Variants in ATXN7L3 observed in about 807,000 individuals in gnomAD.
The protein encoded by ATXN7L3 is ataxin-7-like protein 3.
A neutral mutation model predicts 50.0 loss-of-function variants in ATXN7L3; 6 were observed. The observed-to-expected ratio is 0.12, with a 90% CI of 0.07 to 0.24. The LOEUF (loss-of-function observed/expected upper bound fraction) is 0.24. ATXN7L3 is among the 10% of genes least tolerant of loss of function. The pLI is 1.00. For missense variants in ATXN7L3, 322 were observed against 451.3 expected, an observed-to-expected ratio of 0.71 and a Z score of 2.60; for synonymous variants, 198 against 165.8, an observed-to-expected ratio of 1.19 and a Z score of -1.49.
rs376800201 is a variant in ATXN7L3, at chr17:44,197,018, T to G, written c.365A>C (p.Asn122Thr). Residue 122 changes from asparagine to threonine, a missense_variant, in exon 5 of 13, where the codon AAT becomes ACT. Physicochemically the swap from Asn to Thr is moderately conservative, Grantham distance 65. This residue lies in a region of ATXN7L3 where 48 missense variants were observed against 134.6 expected (regional missense o/e 0.36). Transcript: ENST00000587097. ...SSRIANRRIA[N>T]SNNMNKSESD... is the part of the protein sequence containing the mutation. ...CTCAGACTTATTCATATTGTTGCTATTGGCAATCCTGCCAAGGGGAGGGAA... is the reference window on the plus strand; with the variant it reads ...CTCAGACTTATTCATATTGTTGCTAGTGGCAATCCTGCCAAGGGGAGGGAA... The G allele has an allele frequency of 1.9e-6, 3 of 1,612,480 alleles. No individual in the cohort carries two copies. In the South Asian group the frequency reaches 3.3e-5, roughly 18 times the overall value.
chr17:44,199,776 C>G lies in ATXN7L3; in HGVS notation c.-341G>C, dbSNP rs1180085524. 1 of 147,528 alleles carries G rather than the reference C, an allele frequency of 6.8e-6. No homozygotes were observed. The highest frequency in any genetic ancestry group is 1.5e-5 in the Non-Finnish European group (1 of 66,108). The allele number at this position is 147,528 out of a possible 1,614,324, so 9.1% of individuals were successfully genotyped here. A position where few individuals can be genotyped will look rare whatever the true frequency, so the allele number is the denominator to read the frequency against. The stretch of plus-strand genomic sequence containing the variant: ...CGCGCGCCGTCCGCGCGCCCCTCCC[C>G]CCGCCCCCCACTCCAGCCCGCCTCT... On this transcript the variant is annotated 5_prime_UTR_variant, in exon 1 of 13. Coordinates refer to ENST00000587097, the MANE Select transcript of ATXN7L3 (RefSeq NM_001382309.1).
In ATXN7L3 at chr17:44,195,928, C is replaced by T. The variant is rs1445721494; in HGVS notation, c.524-100G>A. 3 of 1,562,472 alleles carry T rather than the reference C, an allele frequency of 1.9e-6. No homozygotes were observed. In the African/African-American group the frequency reaches 4.1e-5, roughly 21 times the overall value. The stretch of plus-strand genomic sequence containing the variant: ...GGAAGTGGGGGTGACAGAAGGATCA[C>T]AGGCCCTCCCTCAATTCCCCTATCC... On this transcript the variant is annotated intron_variant, in intron 7 of 12. Coordinates refer to ENST00000587097, the MANE Select transcript of ATXN7L3 (RefSeq NM_001382309.1).
intron 2 of ATXN7L3, 56 bp from the exon 3 acceptor site, chr17:44,197,786 C>T: frequency 6.2e-7 from 1 of 1,609,214 alleles, no homozygotes. Context: ...CCTGGACTCT[C>T]ACCAACCAAA....
rs2055793877 is a variant in ATXN7L3, at chr17:44,194,140, C to T, written c.*123G>A. On this transcript the variant is annotated 3_prime_UTR_variant, in exon 13 of 13. Transcript: ENST00000587097. ...GGCGCATAATCGGATCCTCTGCCTG[C>T]CTGGCCCACCAAGCTTCCCAAGCCC... The T allele has an allele frequency of 7.5e-7, 1 of 1,337,732 alleles. No individual in the cohort carries two copies. The highest frequency in any genetic ancestry group is 1.0e-6 in the Non-Finnish European group (1 of 978,132). The allele number at this position is 1,337,732 out of a possible 1,614,324, so 82.9% of individuals were successfully genotyped here. A position where few individuals can be genotyped will look rare whatever the true frequency, so the allele number is the denominator to read the frequency against.
rs1055818495 is a variant in ATXN7L3, at chr17:44,192,845, G to A, written c.*1418C>T. 1 of 152,156 alleles carries A rather than the reference G, an allele frequency of 6.6e-6. No individual in the cohort carries two copies. Among genetic ancestry groups the A allele is most frequent in the African/African-American group, 2.4e-5 (1 of 41,402 alleles). The allele number at this position is 152,156 out of a possible 1,614,324, so 9.4% of individuals were successfully genotyped here. On this transcript the variant is annotated 3_prime_UTR_variant, in exon 13 of 13. Coordinates refer to ENST00000587097, the MANE Select transcript of ATXN7L3 (RefSeq NM_001382309.1). The stretch of plus-strand genomic sequence containing the variant: ...CCTGGGTACTAACTACCCAAATGTG[G>A]GATGGCTCCTCTTGGGAAGAGGGTA...
intron 3 of ATXN7L3, 93 bp from the exon 4 acceptor site, chr17:44,197,492 G>A (rs938022193): frequency 1.9e-6 from 3 of 1,582,478 alleles, no homozygotes; most frequent in South Asian, 2.3e-5. Context: ...CCCTCCCCCG[G>A]CTCACAGGAG....
At position 44,197,987 on chromosome 17, in the gene ATXN7L3, A is replaced by T. The variant is rs779421374; in HGVS notation, c.51+33T>A. On this transcript the variant is annotated intron_variant, in intron 2 of 12. Coordinates refer to ENST00000587097, the MANE Select transcript of ATXN7L3 (RefSeq NM_001382309.1). ...ACAGCGACGTAGAGACATCAAGAGA[A>T]AGAACTGGAGGCACACGTGGGGGAG... 4 of 1,606,796 alleles carry T rather than the reference A, an allele frequency of 2.5e-6. No homozygotes were observed. The Admixed American group carries it at 6.7e-5, about 27-fold the overall frequency.
At position 44,194,636 on chromosome 17, in the gene ATXN7L3, C is replaced by T; in HGVS notation, c.776G>A (p.Ser259Asn). 1 of 1,614,050 alleles carries T rather than the reference C, an allele frequency of 6.2e-7. No homozygotes were observed. The highest frequency in any genetic ancestry group is 8.5e-7 in the Non-Finnish European group (1 of 1,180,020). The part of the protein sequence containing the change: ...PEVESSLDND[S>N]FDMTDSQALI... ...GGCCTGGCTGTCAGTCATGTCAAAGCTGTCATTATCCAGGGAGCTCTCGAC... is the reference window on the plus strand; with the variant it reads ...GGCCTGGCTGTCAGTCATGTCAAAGTTGTCATTATCCAGGGAGCTCTCGAC... Residue 259 changes from serine (S) to asparagine (N), a missense_variant, in exon 12 of 13, where the codon AGC (serine) becomes AAC (asparagine). By Grantham distance (46) the Ser-to-Asn change is conservative. Around this residue, in one of 5 missense-constraint regions of ATXN7L3, gnomAD observed 122 missense variants for 130.8 expected, o/e 0.93. Coordinates refer to ENST00000587097, the MANE Select transcript of ATXN7L3 (RefSeq NM_001382309.1).
chr17:44,192,031 GA>G lies in ATXN7L3; in HGVS notation c.*2231del. 6.5e-6 allele frequency: 1 copy of G among 152,730 alleles called. No individual in the cohort carries two copies. Among genetic ancestry groups the G allele is most frequent in the Non-Finnish European group, 1.5e-5 (1 of 68,118 alleles). The allele number at this position is 152,730 out of a possible 1,614,324, so 9.5% of individuals were successfully genotyped here. A position where few individuals can be genotyped will look rare whatever the true frequency, so the allele number is the denominator to read the frequency against. On this transcript the variant is annotated 3_prime_UTR_variant, in exon 13 of 13. Coordinates refer to ENST00000587097, the MANE Select transcript of ATXN7L3 (RefSeq NM_001382309.1). ...TGCGGGGGGGAGTGATGCATGGAAGGAAAAGCCACCGGCCATGGAAATTAGT... is the reference window on the plus strand; with the variant it reads ...TGCGGGGGGGAGTGATGCATGGAAGGAAAGCCACCGGCCATGGAAATTAGT...
Position 44,194,251 on chromosome 17 carries a change from C to T in ATXN7L3, c.*12G>A. 6.2e-7 allele frequency: 1 copy of T among 1,613,940 alleles called. No individual in the cohort carries two copies. Among genetic ancestry groups the T allele is most frequent in the Non-Finnish European group, 8.5e-7 (1 of 1,179,908 alleles). ...GGCTCTGCTCAGCCAAAGGCTATCC[C>T]TTGCACCCAAGTCAGTTGATGTCAT... On this transcript the variant is annotated 3_prime_UTR_variant, in exon 13 of 13. Coordinates refer to ENST00000587097, the MANE Select transcript of ATXN7L3 (RefSeq NM_001382309.1).
At position 44,195,528 on chromosome 17, in the gene ATXN7L3, GAA is replaced by G. The variant is rs1567773579; in HGVS notation, c.553-43_553-42del. On this transcript the variant is annotated intron_variant, in intron 8 of 12. Transcript: ENST00000587097. ...AGGTACAGGTTAGAGATGGGGCAGA[GAA>G]AAGAGAAGGACAGGGGTGGAAGTGA... is the stretch of plus-strand genomic sequence containing the variant. 2.5e-6 allele frequency: 4 copies of G among 1,570,762 alleles called. No homozygotes were observed. In the South Asian group the frequency reaches 3.3e-5, roughly 13 times the overall value.
rs200335282 is a variant in ATXN7L3, at chr17:44,195,794, A to G, written c.552+6T>C. ...AGAGCAAGCATGAGGGGCGGCCCAT[A>G]CTCACCTTAAAAGGATCCGAATTGC... On this transcript the variant is annotated splice_donor_region_variant and intron_variant, in intron 8 of 12. Transcript: ENST00000587097. 7 of 1,607,382 alleles carry G rather than the reference A, an allele frequency of 4.4e-6. No homozygotes were observed. The highest frequency in any genetic ancestry group is 2.2e-5 in the East Asian group (1 of 44,838).
Position 44,194,590 on chromosome 17 carries a change from C to A in ATXN7L3, c.822G>T (p.Trp274Cys). The change falls in exon 12 of 13, where the codon TGG (tryptophan) becomes TGT (cysteine). Residue 274 changes from tryptophan to cysteine, a missense_variant. Physicochemically the swap from Trp to Cys is radical, Grantham distance 215 (BLOSUM62 -2). Transcript: ENST00000587097. The stretch of plus-strand genomic sequence containing the variant: ...AGGGTGAGAGGTCAGAGGAGCCGTC[C>A]CACTGAAGCCGGCTGATCAGGGCCT... ...DSQALISRLQ[W>C]DGSSDLSPSD... The A allele has an allele frequency of 6.2e-7, 1 of 1,613,896 alleles. No homozygotes were observed. The highest frequency in any genetic ancestry group is 2.2e-5 in the East Asian group (1 of 44,876).
chr17:44,195,950 A>G, intron 7 of ATXN7L3, 84 bp downstream of exon 7: 1 of 1,562,540 alleles, frequency 6.4e-7, no homozygotes, highest in Non-Finnish European at 8.8e-7. Context: ...CAATTCCCCT[A>G]TCCCCGGGCC....
chr17:44,198,657 C>G (rs2056016021), intron 1 of ATXN7L3: 1 of 152,606 alleles, frequency 6.6e-6, no homozygotes, highest in African/African-American at 2.4e-5. Flanking sequence ...CCCTTGAAAT[C>G]AGCCTGCCAC....
rs1251221358 is a variant in ATXN7L3, at chr17:44,197,354, T to C, written c.230A>G (p.Asn77Ser). ...PGLDIFGQVF[N>S]QWKSKECVCP... ...AACACACTCCTTGCTCTTCCACTGG[T>C]TGAAAACCTGTCCAAAGATGTCCAA... is the stretch of plus-strand genomic sequence containing the variant. Residue 77 changes from asparagine (N) to serine (S), a missense_variant, in exon 4 of 13, where the codon AAC (asparagine) becomes AGC (serine). Transcript: ENST00000587097. 6.2e-7 allele frequency: 1 copy of C among 1,611,540 alleles called. No homozygotes were observed. The highest frequency in any genetic ancestry group is 1.3e-5 in the African/African-American group (1 of 74,992).
chr17:44,195,051 G>T (rs755036520), intron 10 of ATXN7L3, 46 bp downstream of exon 10: 1 of 1,603,012 alleles, frequency 6.2e-7, no homozygotes, highest in Non-Finnish European at 8.5e-7. Context: ...TGCCCATGGT[G>T]AGTGTGCAGG....
In ATXN7L3 at chr17:44,198,109, A is replaced by G. The variant is rs2055988491; in HGVS notation, c.-39T>C. On this transcript the variant is annotated 5_prime_UTR_variant, in exon 2 of 13. Transcript: ENST00000587097. ...TGGAGACGGCGCTCTGACTGCTCAT[A>G]GCACAGCGGGCGGCAACACGGCTGC... The G allele has an allele frequency of 6.2e-7, 1 of 1,605,120 alleles. No individual in the cohort carries two copies. The highest frequency in any genetic ancestry group is 8.5e-7 in the Non-Finnish European group (1 of 1,173,012).
chr17:44,198,135 A>G lies in ATXN7L3; in HGVS notation c.-60-5T>C. The stretch of plus-strand genomic sequence containing the variant: ...GCACAGCGGGCGGCAACACGGCTGC[A>G]CACACGGGGGTGGGGGTGTTGTTGT... On this transcript the variant is annotated splice_polypyrimidine_tract_variant and splice_region_variant and intron_variant, in intron 1 of 12. Transcript: ENST00000587097. 1 of 1,526,298 alleles carries G rather than the reference A, an allele frequency of 6.6e-7. No homozygotes were observed. 94.5% of individuals were successfully genotyped at this position (1,526,298 alleles called of 1,614,324 possible). A position where few individuals can be genotyped will look rare whatever the true frequency, so the allele number is the denominator to read the frequency against.
Sources: allele counts gnomAD v4.1 joint callset, GRCh38; gene constraint gnomAD v4.1.1; regional missense constraint gnomAD v4.1.1; transcripts MANE v1.5; gene names NCBI Gene and HGNC (gene_info 2026-07-23, HGNC 2026-07-21).